The following CNTNAP2 variants were observed in gnomAD, a reference collection of about 807,000 sequenced individuals.
The protein encoded by CNTNAP2 is contactin associated protein 2, also known as contactin-associated protein-like 2.
A neutral mutation model predicts 155.2 loss-of-function variants in CNTNAP2; 98 were observed. The observed-to-expected ratio is 0.63, with a 90% CI of 0.54 to 0.75. The LOEUF is 0.75. CNTNAP2 is among the 30% of genes least tolerant of loss of function. CNTNAP2 has a pLI of 0.00. For missense variants in CNTNAP2, 1,727 were observed against 1,688.1 expected (o/e 1.02, Z -0.40); for synonymous variants, 651 against 631.2 (o/e 1.03, Z -0.47).
At chr7:147,378,294 CTT>C (rs1263851667) in intron 9 of CNTNAP2, among the ~76,000 whole-genome samples, 1 of 151,686 alleles carries the variant, frequency 6.6e-6, no homozygotes, top group African/African-American at 2.4e-5. Context: ...AAAAATTTAA[CTT>C]ATATTGGTAT....
chr7:147,228,245 A>G (rs1157205250), intron 8 of CNTNAP2, among the ~76,000 whole-genome samples: 1 of 152,218 alleles, frequency 6.6e-6, no homozygotes, highest in East Asian at 1.9e-4. Context: ...GTTTTGCTAC[A>G]AAGGGGATCA....
intron 10 of CNTNAP2, among the ~76,000 whole-genome samples, chr7:147,433,841 G>C (rs1038151554): frequency 2.4e-4 from 37 of 152,294 alleles, no homozygotes; most frequent in African/African-American, 8.7e-4. Flanking sequence ...GATATGTCTT[G>C]TTGTATGACC....
At chr7:146,819,507 A>T (rs960334203) in intron 2 of CNTNAP2, among the ~76,000 whole-genome samples, 1 of 152,090 alleles carries the variant, frequency 6.6e-6, no homozygotes, top group Non-Finnish European at 1.5e-5. Flanking sequence ...CTAAATAGTT[A>T]TTAGACATTG....
intron 8 of CNTNAP2, among the ~76,000 whole-genome samples, chr7:147,132,913 A>G (rs1427286586): frequency 6.6e-6 from 1 of 152,094 alleles, no homozygotes; most frequent in African/African-American, 2.4e-5. Flanking sequence ...ACAAGATTAT[A>G]CTAATTTTAA....
intron 1 of CNTNAP2, among the ~76,000 whole-genome samples, chr7:146,244,344 C>T (rs553615275): frequency 1.1e-4 from 17 of 152,132 alleles, no homozygotes; most frequent in South Asian, 2.1e-4. Flanking sequence ...TAGTTGAGAA[C>T]GGTGAATAGG....
chr7:146,487,805 G>A lies in CNTNAP2; in HGVS notation c.98-286466G>A, dbSNP rs553220880. ...AAGAAGCGCAGTGAGACGGAAATAA[G>A]GAAAAGCAGGCAAGAGCCCAGCTCC... is the stretch of plus-strand genomic sequence containing the variant. On this transcript the variant is annotated intron_variant, in intron 1 of 23. Coordinates refer to ENST00000361727, the MANE Select transcript of CNTNAP2 (RefSeq NM_014141.6). Among the ~76,000 whole-genome samples, 4 of 152,270 alleles carry A rather than the reference G, an allele frequency of 2.6e-5. No individual in the cohort carries two copies. In the South Asian group the frequency reaches 6.2e-4, roughly 24 times the overall value.
chr7:147,027,004 G>GAAAAAAAAAAAAACAAAAAAAAAAAAA (rs1798934918), intron 3 of CNTNAP2, among the ~76,000 whole-genome samples: 2 of 67,430 alleles, frequency 3.0e-5, no homozygotes, highest in Non-Finnish European at 5.8e-5. Context: ...AAACAGAACA[G>GAAAAAAAAAAAAACAAAAAAAAAAAAA]AAAAAAAAAA....
At chr7:146,833,810 C>G (rs914491680) in intron 2 of CNTNAP2, among the ~76,000 whole-genome samples, 1 of 152,218 alleles carries the variant, frequency 6.6e-6, no homozygotes, top group African/African-American at 2.4e-5. Flanking sequence ...CGGACTCTGT[C>G]TGGCCTCGGC....
At chr7:146,804,437 T>G (rs2129192267) in intron 2 of CNTNAP2, among the ~76,000 whole-genome samples, 1 of 152,210 alleles carries the variant, frequency 6.6e-6, no homozygotes, top group East Asian at 1.9e-4. Flanking sequence ...ATGTGTAAAA[T>G]CCAACACTTG....
chr7:146,958,407 G>GTTTTTTTT (rs71165054), intron 3 of CNTNAP2, among the ~76,000 whole-genome samples: 16 of 78,050 alleles, frequency 2.0e-4, no homozygotes, highest in Admixed American at 3.5e-4. Flanking sequence ...CATTTTTATG[G>GTTTTTTTT]TTTTTTTTTT....
intron 9 of CNTNAP2, among the ~76,000 whole-genome samples, chr7:147,309,828 T>C (rs1457325004): frequency 6.6e-6 from 1 of 152,172 alleles, no homozygotes; most frequent in Admixed American, 6.5e-5. Context: ...GATTATTTCA[T>C]CACCCAGGTG....
chr7:147,613,249 G>A (rs185859842), intron 12 of CNTNAP2, among the ~76,000 whole-genome samples: 4 of 152,292 alleles, frequency 2.6e-5, no homozygotes, highest in Admixed American at 1.3e-4. Context: ...GTGAAGATGT[G>A]CATCTCCCTG....
At chr7:146,712,129 T>G (rs37048) in intron 1 of CNTNAP2, among the ~76,000 whole-genome samples, 1 of 120,860 alleles carries the variant, frequency 8.3e-6, no homozygotes, top group Non-Finnish European at 1.7e-5. Flanking sequence ...TATGTATACA[T>G]ATCTTATGTA....
chr7:147,359,475 T>C (rs894188227), intron 9 of CNTNAP2, among the ~76,000 whole-genome samples: 1 of 152,168 alleles, frequency 6.6e-6, no homozygotes, highest in African/African-American at 2.4e-5. Flanking sequence ...CAGATCATTT[T>C]ACCCTCTCCT....
At chr7:146,331,434 A>G (rs1050172350) in intron 1 of CNTNAP2, among the ~76,000 whole-genome samples, 1 of 152,178 alleles carries the variant, frequency 6.6e-6, no homozygotes, top group Non-Finnish European at 1.5e-5. Flanking sequence ...AGATCAGAGT[A>G]AGCAGAAGAG....
At chr7:147,508,563 C>T (rs1256109100) in intron 11 of CNTNAP2, among the ~76,000 whole-genome samples, 1 of 152,184 alleles carries the variant, frequency 6.6e-6, no homozygotes, top group Non-Finnish European at 1.5e-5. Context: ...CATGACTTAT[C>T]AGGTCTTATC....
chr7:148,073,565 A>C (rs1803420969), intron 15 of CNTNAP2, among the ~76,000 whole-genome samples: 1 of 152,210 alleles, frequency 6.6e-6, no homozygotes, highest in Non-Finnish European at 1.5e-5. Context: ...GAGGTATTGC[A>C]GTGCTTCCAT....
At position 146,439,506 on chromosome 7, in the gene CNTNAP2, A is replaced by G. The variant is rs927269846; in HGVS notation, c.97+322533A>G. Among the ~76,000 whole-genome samples, 18 of 151,374 alleles carry G rather than the reference A, an allele frequency of 1.2e-4. 1 individual carries two copies. Among genetic ancestry groups the G allele is most frequent in the Admixed American group, 7.9e-4 (12 of 15,248 alleles). Reference sequence around the variant, plus strand: ...TATATATGTTTATTTAGCCTTAATCATTACTTCAAAGTAGATGATTTGAAA... The same window carrying G: ...TATATATGTTTATTTAGCCTTAATCGTTACTTCAAAGTAGATGATTTGAAA... On this transcript the variant is annotated intron_variant, in intron 1 of 23. Coordinates refer to ENST00000361727, the MANE Select transcript of CNTNAP2 (RefSeq NM_014141.6).
intron 1 of CNTNAP2, among the ~76,000 whole-genome samples, chr7:146,232,992 A>G (rs116550188): frequency 0.014 from 2,119 of 152,262 alleles, 56 homozygotes; most frequent in African/African-American, 0.048. Context: ...CATAATCTCA[A>G]TCTATTGGAA....
Sources: allele counts gnomAD v4.1 joint callset (sites outside exome capture counted in the v4.1 genomes callset), GRCh38; gene constraint gnomAD v4.1.1; transcripts MANE v1.5; gene names NCBI Gene and HGNC (gene_info 2026-07-23, HGNC 2026-07-21).